The following TLE1 variants were observed in gnomAD, a reference collection of about 807,000 sequenced individuals.
TLE1 encodes the protein transducin-like enhancer protein 1.
TLE1 carries 21 observed loss-of-function variants against 89.8 expected under a neutral mutation model. That is an observed-to-expected ratio of 0.23 (90% confidence interval 0.17 to 0.34). The LOEUF (loss-of-function observed/expected upper bound fraction) is 0.34. TLE1 is among the 10% of genes least tolerant of loss of function. The pLI is 1.00. For missense variants in TLE1, 795 were observed against 1,031.2 expected (o/e 0.77, Z 3.14); for synonymous variants, 447 against 407.6 (o/e 1.10, Z -1.16).
chr9:81,660,874 A>G (rs1391304355), intron 4 of TLE1, among the ~76,000 whole-genome samples: 2 of 147,762 alleles, frequency 1.4e-5, no homozygotes, highest in Non-Finnish European at 3.0e-5. Context: ...AGGCGGGAGG[A>G]TCACGAGGTC....
At chr9:81,647,784 G>A (rs1588113124) in intron 6 of TLE1, among the ~76,000 whole-genome samples, 2 of 152,264 alleles carry the variant, frequency 1.3e-5, no homozygotes, top group African/African-American at 4.8e-5. Context: ...TCCTCCCCAA[G>A]TCCATCTGAT....
Position 81,613,280 on chromosome 9 carries a change from A to C in TLE1, c.1063+97T>G, listed in dbSNP as rs548822994. 2.6e-6 allele frequency: 4 copies of C among 1,513,574 alleles called. No homozygotes were observed. In the East Asian group the frequency reaches 9.2e-5, roughly 35 times the overall value. 93.8% of individuals were successfully genotyped at this position (1,513,574 alleles called of 1,614,324 possible). On this transcript the variant is annotated intron_variant, in intron 12 of 19. Coordinates refer to ENST00000376499, the MANE Select transcript of TLE1 (RefSeq NM_005077.5). ...AGGAGGGTGGCCCTACGTACATTTC[A>C]TATTTGTAGGGCAATTGCGTCACAA...
At position 81,595,063 on chromosome 9, in the gene TLE1, T is replaced by A. The variant is rs370486779; in HGVS notation, c.1332-1789A>T. The stretch of plus-strand genomic sequence containing the variant: ...TGGCCCAAATCCTTAATGTTACTCT[T>A]AATTTGAATGAATAAGCACGTATAA... On this transcript the variant is annotated intron_variant, in intron 14 of 19. Transcript: ENST00000376499. Among the ~76,000 whole-genome samples the A allele has an allele frequency of 1.7e-4, 26 of 152,300 alleles. No individual in the cohort carries two copies. In the South Asian group the frequency reaches 5.2e-3, roughly 30 times the overall value.
Position 81,613,435 on chromosome 9 carries a change from T to G in TLE1, c.1005A>C (p.Pro335=). The G allele has an allele frequency of 6.2e-7, 1 of 1,614,162 alleles. No individual in the cohort carries two copies. The part of the protein sequence containing the change: ...DMPTPGTSAT[P]GLRPGLGKPP... ...GCTTGCCGAGACCTGGACGGAGGCC[T>G]GGAGTGGCGCTGGTGCCCGGCGTTG... Residue 335 remains proline (P), a synonymous_variant, in exon 12 of 20, where the codon CCA becomes CCC. Coordinates refer to ENST00000376499, the MANE Select transcript of TLE1 (RefSeq NM_005077.5).
intron 4 of TLE1, among the ~76,000 whole-genome samples, chr9:81,664,433 C>T (rs1831202161): frequency 1.3e-5 from 2 of 152,208 alleles, no homozygotes; most frequent in Admixed American, 6.5e-5. Context: ...TTTCTCCCAT[C>T]ACAGTGCCTT....
In TLE1 at chr9:81,685,730, G is replaced by T. The variant is rs920861741; in HGVS notation, c.190-10C>A. 5.0e-6 allele frequency: 8 copies of T among 1,612,382 alleles called. No homozygotes were observed. The African/African-American group carries it at 1.1e-4, about 22-fold the overall frequency. On this transcript the variant is annotated splice_polypyrimidine_tract_variant and intron_variant, in intron 3 of 19. Transcript: ENST00000376499. ...ATGACATTTCATAATACTGTAAAGA[G>T]AAAAAAGAATCAAGCATTTCATTAA...
intron 4 of TLE1, among the ~76,000 whole-genome samples, chr9:81,663,701 C>A (rs2132812399): frequency 6.6e-6 from 1 of 151,074 alleles, no homozygotes; most frequent in Non-Finnish European, 1.5e-5. Context: ...CGGCTCACTG[C>A]AAGCTCTGCC....
intron 8 of TLE1, among the ~76,000 whole-genome samples, chr9:81,624,476 G>C (rs1045494143): frequency 6.6e-6 from 1 of 152,084 alleles, no homozygotes; most frequent in African/African-American, 2.4e-5. Context: ...TCTATACTTT[G>C]AAAGATTTTA....
At chr9:81,633,879 C>T in intron 7 of TLE1, 1 of 510,880 alleles carries the variant, frequency 2.0e-6, no homozygotes, top group Non-Finnish European at 3.4e-6. Flanking sequence ...GTCAAGATGC[C>T]TGCAATCTAA....
chr9:81,606,562 G>A (rs886620360), intron 14 of TLE1, among the ~76,000 whole-genome samples: 3 of 152,084 alleles, frequency 2.0e-5, no homozygotes, highest in Admixed American at 6.5e-5. Flanking sequence ...TCACTCATAG[G>A]TGGGAGCTGA....
Position 81,590,987 on chromosome 9 carries a change from C to T in TLE1, c.1647G>A (p.Gly549=). 1.2e-6 allele frequency: 2 copies of T among 1,614,222 alleles called. No homozygotes were observed. The highest frequency in any genetic ancestry group is 2.2e-5 in the East Asian group (1 of 44,880). Residue 549 remains glycine, a synonymous_variant, in exon 16 of 20, where the codon GGG becomes GGA. Coordinates refer to ENST00000376499, the MANE Select transcript of TLE1 (RefSeq NM_005077.5). ...LPDGCTLIVG[G]EASTLSIWDL... ...CCCAAATGGACAAAGTACTGGCTTCCCCTCCCACTATGAGAGTGCAGCCAT... is the reference window on the plus strand; with the variant it reads ...CCCAAATGGACAAAGTACTGGCTTCTCCTCCCACTATGAGAGTGCAGCCAT...
chr9:81,590,611 C>T (rs1234310586), intron 16 of TLE1, among the ~76,000 whole-genome samples, 194 bp downstream of exon 16: 1 of 152,194 alleles, frequency 6.6e-6, no homozygotes, highest in Non-Finnish European at 1.5e-5. Flanking sequence ...TCGGGTGACA[C>T]CAGGCATAGT....
At chr9:81,682,181 G>A (rs1833718546) in intron 4 of TLE1, among the ~76,000 whole-genome samples, 1 of 151,814 alleles carries the variant, frequency 6.6e-6, no homozygotes, top group Non-Finnish European at 1.5e-5. Flanking sequence ...TTGAACCCAG[G>A]AGGCAAAGGC....
intron 14 of TLE1, among the ~76,000 whole-genome samples, chr9:81,605,304 C>T (rs923109349): frequency 5.3e-5 from 8 of 152,120 alleles, no homozygotes; most frequent in Non-Finnish European, 7.4e-5. Flanking sequence ...GTGCAGTCAT[C>T]GAGAGTGAGC....
chr9:81,584,794 G>A lies in TLE1; in HGVS notation c.2129-270C>T, dbSNP rs558058275. Among the ~76,000 whole-genome samples the A allele has an allele frequency of 4.6e-3, 695 of 152,134 alleles. 5 individuals are homozygous for A. The highest frequency in any genetic ancestry group is 8.0e-3 in the Non-Finnish European group (544 of 67,998). ...CAACACACGGTAACCCTCAAATATAGAAATCAATGAAGAATGTGTTCTATT... is the reference window on the plus strand; with the variant it reads ...CAACACACGGTAACCCTCAAATATAAAAATCAATGAAGAATGTGTTCTATT... On this transcript the variant is annotated intron_variant, in intron 18 of 19. Transcript: ENST00000376499.
chr9:81,598,091 T>C (rs1326294994), intron 14 of TLE1, among the ~76,000 whole-genome samples: 2 of 152,208 alleles, frequency 1.3e-5, no homozygotes, highest in Non-Finnish European at 2.9e-5. Flanking sequence ...CTTGGCACTC[T>C]GGATGTGAAA....
At chr9:81,635,516 A>C (rs1466614773) in intron 6 of TLE1, among the ~76,000 whole-genome samples, 1 of 152,320 alleles carries the variant, frequency 6.6e-6, no homozygotes, top group East Asian at 1.9e-4. Flanking sequence ...TGTACCATGA[A>C]TCTGGCCACA....
At chr9:81,591,641 T>C (rs1829512523) in intron 15 of TLE1, among the ~76,000 whole-genome samples, 1 of 152,140 alleles carries the variant, frequency 6.6e-6, no homozygotes, top group Non-Finnish European at 1.5e-5. Flanking sequence ...GATCAACTCC[T>C]GAAAGATGCA....
chr9:81,627,057 G>C (rs1356346975), intron 8 of TLE1, among the ~76,000 whole-genome samples: 2 of 152,056 alleles, frequency 1.3e-5, no homozygotes, highest in Admixed American at 6.6e-5. Flanking sequence ...ACTTGCTAAT[G>C]CAAGAAATGG....
Sources: allele counts gnomAD v4.1 joint callset (sites outside exome capture counted in the v4.1 genomes callset), GRCh38; gene constraint gnomAD v4.1.1; transcripts MANE v1.5; gene names NCBI Gene and HGNC (gene_info 2026-07-23, HGNC 2026-07-21).